The following CTNNA2 variants were observed in gnomAD, a reference collection of about 807,000 sequenced individuals.
CTNNA2 encodes catenin alpha 2.
CTNNA2 carries 42 observed loss-of-function variants against 101.0 expected under a neutral mutation model. The ratio of observed to expected loss-of-function variants is 0.42; its 90% CI spans 0.32 to 0.54. CTNNA2 has a LOEUF of 0.54. Among genes scored for constraint, CTNNA2 ranks in the 20% least tolerant of loss-of-function variants. The pLI, the probability that CTNNA2 is intolerant of heterozygous loss-of-function variation, is 0.14. For missense variants in CTNNA2, 871 were observed against 1,223.1 expected, an observed-to-expected ratio of 0.71 and a Z score of 4.29; for synonymous variants, 450 against 456.4, an observed-to-expected ratio of 0.99 and a Z score of 0.18.
At chr2:79,988,570 T>G (rs563395091) in intron 7 of CTNNA2, among the ~76,000 whole-genome samples, 1 of 152,320 alleles carries the variant, frequency 6.6e-6, no homozygotes, top group Non-Finnish European at 1.5e-5. Context: ...TCTATATTTT[T>G]ATTTAACCTC....
At chr2:80,101,934 A>T (rs1320397653) in intron 7 of CTNNA2, among the ~76,000 whole-genome samples, 5 of 152,160 alleles carry the variant, frequency 3.3e-5, no homozygotes, top group Non-Finnish European at 7.3e-5. Flanking sequence ...AGACTAGGGA[A>T]GTCTGCTCTT....
At chr2:79,598,764 C>T (rs1267626399) in intron 1 of CTNNA2, among the ~76,000 whole-genome samples, 7 of 152,248 alleles carry the variant, frequency 4.6e-5, no homozygotes, top group Middle Eastern at 3.4e-3. Context: ...ATTGTCTTCT[C>T]ATTCTCTTGA....
At chr2:79,264,949 G>C (rs1573005626) in intron 2 of CTNNA2, among the ~76,000 whole-genome samples, 1 of 152,204 alleles carries the variant, frequency 6.6e-6, no homozygotes, top group Non-Finnish European at 1.5e-5. Context: ...CAGAAGTTCT[G>C]TTCCTGCTTC....
At position 79,544,265 on chromosome 2, in the gene CTNNA2, G is replaced by A. The variant is rs1433703731; in HGVS notation, c.-6+31058G>A. On this transcript the variant is annotated intron_variant, in intron 1 of 18. Transcript: ENST00000402739. The stretch of plus-strand genomic sequence containing the variant: ...TTTGGGAAATTTTTGAATGAATAGT[G>A]TGTAGTTGCAATAAATCAGTTGAGT... Among the ~76,000 whole-genome samples the A allele has an allele frequency of 5.2e-4, 79 of 152,162 alleles. 1 individual carries two copies. Among genetic ancestry groups the A allele is most frequent in the Non-Finnish European group, 4.4e-5 (3 of 68,042 alleles).
intron 9 of CTNNA2, among the ~76,000 whole-genome samples, chr2:80,490,888 A>C (rs1312610494): frequency 6.6e-6 from 1 of 152,194 alleles, no homozygotes. Flanking sequence ...TAAAATGCAG[A>C]TGCCATCTTT....
At chr2:80,120,659 C>T (rs901650229) in intron 7 of CTNNA2, among the ~76,000 whole-genome samples, 1 of 152,122 alleles carries the variant, frequency 6.6e-6, no homozygotes, top group African/African-American at 2.4e-5. Flanking sequence ...TTCTTTTACT[C>T]AGCTGCTAGG....
intron 4 of CTNNA2, among the ~76,000 whole-genome samples, chr2:79,496,031 G>T (rs1009719792): frequency 2.0e-5 from 3 of 152,158 alleles, no homozygotes; most frequent in Non-Finnish European, 4.4e-5. Context: ...AATGGGTACA[G>T]AATGTCTTTT....
At chr2:80,228,034 G>A (rs904679281) in intron 7 of CTNNA2, among the ~76,000 whole-genome samples, 3 of 151,964 alleles carry the variant, frequency 2.0e-5, no homozygotes, top group Admixed American at 6.6e-5. Flanking sequence ...TGTACAGTGT[G>A]TACTGTGTTT....
chr2:79,545,954 A>C (rs555454441), intron 1 of CTNNA2, among the ~76,000 whole-genome samples: 1 of 152,166 alleles, frequency 6.6e-6, no homozygotes, highest in Non-Finnish European at 1.5e-5. Flanking sequence ...AAGTACTACT[A>C]TTATCTCAGT....
At chr2:79,583,020 G>A (rs1023339791) in intron 1 of CTNNA2, among the ~76,000 whole-genome samples, 1 of 151,948 alleles carries the variant, frequency 6.6e-6, no homozygotes, top group Non-Finnish European at 1.5e-5. Context: ...CTTTCACTGA[G>A]CATAATTATT....
At chr2:79,794,436 A>G (rs1439819136) in intron 3 of CTNNA2, among the ~76,000 whole-genome samples, 1 of 152,210 alleles carries the variant, frequency 6.6e-6, no homozygotes, top group African/African-American at 2.4e-5. Flanking sequence ...AAAGCTGTAC[A>G]TATATAATGT....
chr2:80,482,305 T>C (rs915940002), intron 9 of CTNNA2, among the ~76,000 whole-genome samples: 3 of 152,038 alleles, frequency 2.0e-5, no homozygotes, highest in African/African-American at 7.2e-5. Context: ...ACTCTAACTT[T>C]TAAAGGGTCT....
chr2:80,142,882 C>T (rs886089189), intron 7 of CTNNA2, among the ~76,000 whole-genome samples: 23 of 151,054 alleles, frequency 1.5e-4, no homozygotes, highest in African/African-American at 5.7e-4. Context: ...TGGATCATTC[C>T]TCAGGTGCCC....
At chr2:80,524,795 A>T (rs1559181297) in intron 9 of CTNNA2, among the ~76,000 whole-genome samples, 1 of 152,128 alleles carries the variant, frequency 6.6e-6, no homozygotes, top group Non-Finnish European at 1.5e-5. Flanking sequence ...CACACAAAAA[A>T]ATGCTCTCCA....
chr2:80,641,931 C>T (rs1573547376), intron 18 of CTNNA2, among the ~76,000 whole-genome samples: 1 of 152,060 alleles, frequency 6.6e-6, no homozygotes, highest in Non-Finnish European at 1.5e-5. Flanking sequence ...TATACACCTA[C>T]AGTATGCAGA....
chr2:80,023,630 T>C (rs868016236), intron 7 of CTNNA2, among the ~76,000 whole-genome samples: 4 of 152,218 alleles, frequency 2.6e-5, no homozygotes, highest in African/African-American at 9.6e-5. Flanking sequence ...AGCTACACAG[T>C]AACTCTTTAT....
chr2:80,116,963 A>C (rs1701560712), intron 7 of CTNNA2, among the ~76,000 whole-genome samples: 1 of 149,288 alleles, frequency 6.7e-6, no homozygotes, highest in Admixed American at 6.7e-5. Context: ...AGGCTAACTT[A>C]TTCATGTGTT....
intron 7 of CTNNA2, among the ~76,000 whole-genome samples, chr2:80,065,598 C>T (rs193034514): frequency 4.6e-5 from 7 of 152,114 alleles, no homozygotes; most frequent in Admixed American, 1.3e-4. Context: ...GTGATCTGCC[C>T]GCCTCGGCCT....
At chr2:80,478,670 A>G (rs1327942462) in intron 9 of CTNNA2, among the ~76,000 whole-genome samples, 1 of 152,030 alleles carries the variant, frequency 6.6e-6, no homozygotes, top group Non-Finnish European at 1.5e-5. Context: ...ATGCTTTGTT[A>G]AGGATCAACT....
Sources: gnomAD v4.1 joint callset for allele counts (sites outside exome capture counted in the v4.1 genomes callset) on GRCh38, gnomAD v4.1.1 for gene constraint, MANE v1.5 for transcripts, NCBI Gene and HGNC (gene_info 2026-07-23, HGNC 2026-07-21) for gene names.